APBA1: variants seen among roughly 807,000 people sequenced by gnomAD.
The protein encoded by APBA1 is amyloid beta precursor protein binding family A member 1.
Under a neutral mutation model 86.6 loss-of-function variants are expected in APBA1, and 55 were observed. The observed-to-expected ratio is 0.64, with a 90% CI of 0.51 to 0.80. The LOEUF is 0.80. APBA1 is among the 30% of genes least tolerant of loss of function. The probability of loss-of-function intolerance (pLI) is 0.00; values close to 1 mark genes in which losing one functional copy is unlikely to be tolerated. For missense variants in APBA1, 1,090 were observed against 1,183.0 expected, an observed-to-expected ratio of 0.92 and a Z score of 1.15; for synonymous variants, 511 against 493.9, an observed-to-expected ratio of 1.03 and a Z score of -0.46.
At chr9:69,638,087 G>C (rs1343631951) in intron 1 of APBA1, among the ~76,000 whole-genome samples, 1 of 152,188 alleles carries the variant, frequency 6.6e-6, no homozygotes, top group African/African-American at 2.4e-5. Flanking sequence ...TCTTTCAAAA[G>C]ACAACACATC....
chr9:69,500,831 C>T (rs1010473221), intron 2 of APBA1, among the ~76,000 whole-genome samples: 3 of 151,984 alleles, frequency 2.0e-5, no homozygotes, highest in Non-Finnish European at 2.9e-5. Context: ...TGGATAGAGG[C>T]GAGATCCGCA....
At position 69,627,045 on chromosome 9, in the gene APBA1, A is replaced by G. The variant is rs1373624062; in HGVS notation, c.-70+45108T>C. ...TATTCAAAAACCTCATACAATGCTG[A>G]CCTACTCTTTATTCTGAAACTAATG... On this transcript the variant is annotated intron_variant, in intron 1 of 12. Transcript: ENST00000265381. Among the ~76,000 whole-genome samples the G allele has an allele frequency of 2.0e-5, 3 of 152,166 alleles. No homozygotes were observed. In the East Asian group the frequency reaches 5.8e-4, roughly 29 times the overall value.
chr9:69,671,353 G>T (rs566894562), intron 1 of APBA1, among the ~76,000 whole-genome samples: 29 of 152,268 alleles, frequency 1.9e-4, no homozygotes, highest in African/African-American at 7.0e-4. Flanking sequence ...AGCCCAGAAT[G>T]TGTAACGGTT....
At chr9:69,505,946 G>A (rs2133877257) in intron 2 of APBA1, among the ~76,000 whole-genome samples, 1 of 152,062 alleles carries the variant, frequency 6.6e-6, no homozygotes, top group South Asian at 2.1e-4. Flanking sequence ...TTGAGCCTGG[G>A]AGGCGGAGGT....
At chr9:69,439,595 G>A (rs1006366257) in intron 11 of APBA1, among the ~76,000 whole-genome samples, 8 of 152,258 alleles carry the variant, frequency 5.3e-5, no homozygotes, top group African/African-American at 1.9e-4. Flanking sequence ...TGAGGCTTGT[G>A]CATTTGTCAC....
intron 2 of APBA1, among the ~76,000 whole-genome samples, chr9:69,486,022 G>T (rs1182987058): frequency 1.3e-5 from 2 of 151,896 alleles, no homozygotes; most frequent in Non-Finnish European, 2.9e-5. Flanking sequence ...TGCGATCTTG[G>T]CTCACTGCAA....
chr9:69,620,737 G>A (rs184424819), intron 1 of APBA1, among the ~76,000 whole-genome samples: 22 of 152,318 alleles, frequency 1.4e-4, no homozygotes, highest in Non-Finnish European at 2.4e-4. Flanking sequence ...AGATAGCAAG[G>A]AGAAACCCAA....
intron 1 of APBA1, among the ~76,000 whole-genome samples, chr9:69,612,473 G>A (rs1242878245): frequency 6.6e-6 from 1 of 151,892 alleles, no homozygotes; most frequent in African/African-American, 2.4e-5. Context: ...ATAAATTCAG[G>A]ATTGTTCTTG....
intron 5 of APBA1, chr9:69,464,472 T>C (rs1428006595): frequency 6.6e-6 from 1 of 152,232 alleles, no homozygotes; most frequent in East Asian, 1.9e-4. Flanking sequence ...CAAATGCCTA[T>C]TCTGCTCTAG....
intron 1 of APBA1, among the ~76,000 whole-genome samples, chr9:69,587,948 C>T (rs1822053045): frequency 6.6e-6 from 1 of 151,382 alleles, no homozygotes; most frequent in Non-Finnish European, 1.5e-5. Flanking sequence ...ATCGTTTGAA[C>T]CCGGGAGGTG....
intron 8 of APBA1, among the ~76,000 whole-genome samples, chr9:69,455,228 T>C (rs1229098852): frequency 1.3e-5 from 2 of 152,114 alleles, no homozygotes; most frequent in Non-Finnish European, 2.9e-5. Context: ...CCGTGCTCCA[T>C]GTGAGAAACA....
intron 2 of APBA1, among the ~76,000 whole-genome samples, chr9:69,486,205 G>A (rs1354744638): frequency 6.6e-6 from 1 of 151,996 alleles, no homozygotes; most frequent in Non-Finnish European, 1.5e-5. Flanking sequence ...GCCCGCCTTG[G>A]CCTCCCAAAG....
intron 1 of APBA1, among the ~76,000 whole-genome samples, chr9:69,640,747 TA>T (rs961006173): frequency 1.3e-5 from 2 of 152,056 alleles, no homozygotes; most frequent in Non-Finnish European, 2.9e-5. Flanking sequence ...CCATTCATAA[TA>T]AAAACTCTCA....
intron 11 of APBA1, among the ~76,000 whole-genome samples, chr9:69,436,474 C>T (rs1191341146): frequency 6.6e-6 from 1 of 151,802 alleles, no homozygotes; most frequent in East Asian, 1.9e-4. Context: ...GTTTGTAGTT[C>T]TCCTTGAAGA....
chr9:69,635,969 A>T (rs1823148471), intron 1 of APBA1, among the ~76,000 whole-genome samples: 1 of 152,224 alleles, frequency 6.6e-6, no homozygotes, highest in African/African-American at 2.4e-5. Flanking sequence ...CAAAGTGAGG[A>T]GACAAGCCAC....
Position 69,524,261 on chromosome 9 carries a change from C to T in APBA1, c.-69-6982G>A, listed in dbSNP as rs546060434. On this transcript the variant is annotated intron_variant, in intron 1 of 12. Coordinates refer to ENST00000265381, the MANE Select transcript of APBA1 (RefSeq NM_001163.4). ...GAGCAAGAATGAAGAAAATTGAGAC[C>T]CAAAAATCTATACATAGAATCAGTG... is the stretch of plus-strand genomic sequence containing the variant. Among the ~76,000 whole-genome samples, 6 of 151,572 alleles carry T rather than the reference C, an allele frequency of 4.0e-5. No individual in the cohort carries two copies. In the South Asian group the frequency reaches 1.3e-3, roughly 32 times the overall value.
intron 1 of APBA1, among the ~76,000 whole-genome samples, chr9:69,658,300 C>T (rs370647592): frequency 0.064 from 3,535 of 55,656 alleles, 230 homozygotes; most frequent in Middle Eastern, 0.098. Flanking sequence ...CTCTTTCTCT[C>T]TCTCTCTTTC....
intron 1 of APBA1, among the ~76,000 whole-genome samples, chr9:69,598,823 T>C (rs1318046291): frequency 6.6e-6 from 1 of 152,248 alleles, no homozygotes; most frequent in Non-Finnish European, 1.5e-5. Context: ...TGAAGGAAGA[T>C]TCTTGAAAGT....
At chr9:69,494,561 A>G (rs1835765479) in intron 2 of APBA1, 1 of 152,190 alleles carries the variant, frequency 6.6e-6, no homozygotes, top group South Asian at 2.1e-4. Flanking sequence ...AAACTGACTT[A>G]TAAACACAGG....
Sources: allele counts gnomAD v4.1 joint callset (sites outside exome capture counted in the v4.1 genomes callset), GRCh38; gene constraint gnomAD v4.1.1; transcripts MANE v1.5; gene names NCBI Gene and HGNC (gene_info 2026-07-23, HGNC 2026-07-21).